The following LINS1 variants were observed in gnomAD, a reference collection of about 807,000 sequenced individuals.
LINS1 encodes protein Lines homolog 1.
In LINS1, 27 loss-of-function variants were observed where a neutral mutation model predicts 41.6. The observed-to-expected ratio is 0.65, with a 90% confidence interval of 0.48 to 0.89. LINS1 has a LOEUF of 0.89. Among genes scored for constraint, LINS1 ranks in the 40% least tolerant of loss-of-function variants. The pLI, the probability that LINS1 is intolerant of heterozygous loss-of-function variation, is 0.00. For missense variants in LINS1, 955 were observed against 884.1 expected, an observed-to-expected ratio of 1.08 and a Z score of -1.02; for synonymous variants, 336 against 312.9, an observed-to-expected ratio of 1.07 and a Z score of -0.78.
intron 1 of LINS1, among the ~76,000 whole-genome samples, chr15:100,597,302 C>T (rs1254109596): frequency 2.7e-5 from 4 of 150,672 alleles, no homozygotes; most frequent in Non-Finnish European, 5.9e-5. Context: ...CAAATTAATG[C>T]TGGACATTAG....
intron 1 of LINS1, chr15:100,586,358 G>C (rs1407815439): frequency 6.6e-6 from 1 of 152,112 alleles, no homozygotes; most frequent in African/African-American, 2.4e-5. Flanking sequence ...ACAGTGAATG[G>C]GATAAGTGTT....
Position 100,569,178 on chromosome 15 carries a change from T to A in LINS1, c.*60A>T. The A allele has an allele frequency of 1.2e-5, 12 of 1,030,570 alleles. No individual in the cohort carries two copies. The highest frequency in any genetic ancestry group is 1.5e-5 in the Non-Finnish European group (10 of 670,330). 63.8% of individuals were successfully genotyped at this position (1,030,570 alleles called of 1,614,324 possible). On this transcript the variant is annotated 3_prime_UTR_variant, in exon 7 of 7. Coordinates refer to ENST00000314742, the MANE Select transcript of LINS1 (RefSeq NM_001040616.3). The stretch of plus-strand genomic sequence containing the variant: ...ATGGTGATGATTTTATACTATTACC[T>A]CATTGAGACATAATTTATATTAAGG...
Position 100,567,030 on chromosome 15 carries a change from T to A in LINS1, c.*2208A>T, listed in dbSNP as rs1432520619. The stretch of plus-strand genomic sequence containing the variant: ...AGCCATGTGTCACATGACAGGGACA[T>A]GTTCTGAGAAATGAGCTGTAAGGCA... On this transcript the variant is annotated 3_prime_UTR_variant, in exon 7 of 7. Coordinates refer to ENST00000314742, the MANE Select transcript of LINS1 (RefSeq NM_001040616.3). 1.4e-5 allele frequency: 2 copies of A among 147,886 alleles called. No individual in the cohort carries two copies. Among genetic ancestry groups the A allele is most frequent in the African/African-American group, 4.9e-5 (2 of 40,574 alleles). The allele number at this position is 147,886 out of a possible 1,614,324, so 9.2% of individuals were successfully genotyped here. A position where few individuals can be genotyped will look rare whatever the true frequency, so the allele number is the denominator to read the frequency against.
At chr15:100,597,994 A>G (rs2039320907) in intron 1 of LINS1, among the ~76,000 whole-genome samples, 1 of 152,230 alleles carries the variant, frequency 6.6e-6, no homozygotes, top group African/African-American at 2.4e-5. Flanking sequence ...ATTAACCTTG[A>G]AAGGTTCCTT....
chr15:100,590,883 A>C (rs946938301), intron 1 of LINS1, among the ~76,000 whole-genome samples: 7 of 152,236 alleles, frequency 4.6e-5, no homozygotes, highest in Non-Finnish European at 1.0e-4. Flanking sequence ...CCCAATAGTC[A>C]TAACAATAGT....
rs564895506 is a variant in LINS1, at chr15:100,600,875, C to T, written c.-104+1246G>A. Among the ~76,000 whole-genome samples, 12 of 152,306 alleles carry T rather than the reference C, an allele frequency of 7.9e-5. No individual in the cohort carries two copies. In the South Asian group the frequency reaches 2.1e-3, roughly 26 times the overall value. ...CACTTCCTTCTGAAAAACCAATCCA[C>T]TTTCCTTAGGATACAGTCCAAACTC... On this transcript the variant is annotated intron_variant, in intron 1 of 6. Coordinates refer to ENST00000314742, the MANE Select transcript of LINS1 (RefSeq NM_001040616.3).
At chr15:100,601,296 C>G (rs2039482437) in intron 1 of LINS1, among the ~76,000 whole-genome samples, 2 of 152,164 alleles carry the variant, frequency 1.3e-5, no homozygotes, top group Non-Finnish European at 2.9e-5. Context: ...CTAAGACTGA[C>G]GGACCACGAG....
chr15:100,578,552 T>C (rs528531824), intron 3 of LINS1, among the ~76,000 whole-genome samples: 119 of 152,128 alleles, frequency 7.8e-4, no homozygotes, highest in African/African-American at 1.9e-3. Context: ...TGGGGAAAAA[T>C]AGGAACACTT....
In LINS1 at chr15:100,568,967, T is replaced by C; in HGVS notation, c.*271A>G. On this transcript the variant is annotated 3_prime_UTR_variant, in exon 7 of 7. Transcript: ENST00000314742. ...GTGAAACCCCCGTCTCTACTAAAAA[T>C]ACAAAAATTAGCTGGGCGTGGTGGC... 1 of 303,886 alleles carries C rather than the reference T, an allele frequency of 3.3e-6. No homozygotes were observed. The highest frequency in any genetic ancestry group is 6.2e-6 in the Non-Finnish European group (1 of 160,462). The allele number at this position is 303,886 out of a possible 1,614,324, so 18.8% of individuals were successfully genotyped here. A position where few individuals can be genotyped will look rare whatever the true frequency, so the allele number is the denominator to read the frequency against.
intron 6 of LINS1, 65 bp downstream of exon 6, chr15:100,571,829 C>G: frequency 1.3e-6 from 2 of 1,576,910 alleles, no homozygotes; most frequent in East Asian, 4.5e-5. Context: ...CCAGCACATT[C>G]TCAGAAATGT....
chr15:100,597,293 A>T (rs1181145002), intron 1 of LINS1, among the ~76,000 whole-genome samples: 1 of 151,972 alleles, frequency 6.6e-6, no homozygotes, highest in African/African-American at 2.4e-5. Context: ...AACATAGCAC[A>T]AATTAATGCT....
intron 1 of LINS1, among the ~76,000 whole-genome samples, chr15:100,595,768 A>G (rs2039217886): frequency 6.6e-6 from 1 of 152,192 alleles, no homozygotes; most frequent in Non-Finnish European, 1.5e-5. Context: ...CCCTAATTCA[A>G]CAACAGTTGG....
chr15:100,574,978 A>T lies in LINS1; in HGVS notation c.631+9T>A. Reference sequence around the variant, plus strand: ...ATGATGATTGTTTATGGGGCCATGTAATCCATACCTGTTTTCTGTGAACAT... The same window carrying T: ...ATGATGATTGTTTATGGGGCCATGTTATCCATACCTGTTTTCTGTGAACAT... On this transcript the variant is annotated intron_variant, in intron 4 of 6. Coordinates refer to ENST00000314742, the MANE Select transcript of LINS1 (RefSeq NM_001040616.3). 6.2e-7 allele frequency: 1 copy of T among 1,611,812 alleles called. No homozygotes were observed. The highest frequency in any genetic ancestry group is 1.3e-5 in the African/African-American group (1 of 75,010).
Position 100,569,197 on chromosome 15 carries a change from A to G in LINS1, c.*41T>C, listed in dbSNP as rs998260786. On this transcript the variant is annotated 3_prime_UTR_variant, in exon 7 of 7. Transcript: ENST00000314742. ...ATTACCTCATTGAGACATAATTTAT[A>G]TTAAGGAAAAACAATACCTGGAAAA... The G allele has an allele frequency of 7.3e-7, 1 of 1,378,124 alleles. No individual in the cohort carries two copies. The highest frequency in any genetic ancestry group is 1.0e-6 in the Non-Finnish European group (1 of 971,294). The allele number at this position is 1,378,124 out of a possible 1,614,324, so 85.4% of individuals were successfully genotyped here.
At chr15:100,590,099 T>C (rs1203063777) in intron 1 of LINS1, among the ~76,000 whole-genome samples, 1 of 152,114 alleles carries the variant, frequency 6.6e-6, no homozygotes, top group Admixed American at 6.5e-5. Context: ...AAGGTAAAGC[T>C]AACCAAGGAA....
At chr15:100,573,172 G>C (rs1567715432) in intron 5 of LINS1, 1 of 164,316 alleles carries the variant, frequency 6.1e-6, no homozygotes, top group Non-Finnish European at 1.3e-5. Flanking sequence ...CAGGACTGGA[G>C]TGCAGGTGTG....
chr15:100,579,828 A>C (rs1008141921), intron 3 of LINS1, among the ~76,000 whole-genome samples: 1 of 152,188 alleles, frequency 6.6e-6, no homozygotes, highest in African/African-American at 2.4e-5. Flanking sequence ...GAAGGGGTCC[A>C]CCTACTAGTT....
chr15:100,572,948 T>G, intron 5 of LINS1: 1 of 533,000 alleles, frequency 1.9e-6, no homozygotes, highest in Non-Finnish European at 2.4e-6. Context: ...GAGGATCACT[T>G]CAGCTCAAAA....
intron 1 of LINS1, among the ~76,000 whole-genome samples, chr15:100,581,532 A>G (rs8031331): frequency 0.12 from 17,607 of 152,236 alleles, 1,206 homozygotes; most frequent in East Asian, 0.27. Flanking sequence ...GCTATTGCCA[A>G]TGAAATTCCA....
Sources: allele counts gnomAD v4.1 joint callset (sites outside exome capture counted in the v4.1 genomes callset), GRCh38; gene constraint gnomAD v4.1.1; transcripts MANE v1.5; gene names NCBI Gene and HGNC (gene_info 2026-07-23, HGNC 2026-07-21).